The following MBD5 variants were observed in gnomAD, a reference collection of about 807,000 sequenced individuals.
The protein encoded by MBD5 is methyl-CpG-binding domain protein 5.
Under a neutral mutation model 117.3 loss-of-function variants are expected in MBD5, and 13 were observed. The observed-to-expected ratio is 0.11, with a 90% CI of 0.07 to 0.18. The LOEUF (loss-of-function observed/expected upper bound fraction) is 0.18, where lower values mean the gene tolerates loss of function less well. Ranked by LOEUF, MBD5 falls within the 10% of genes least tolerant of loss-of-function variation. MBD5 has a pLI of 1.00. For missense variants in MBD5, 1,879 were observed against 2,093.8 expected (o/e 0.90, Z 2.00); for synonymous variants, 727 against 766.4 (o/e 0.95, Z 0.85).
chr2:148,203,892 T>G (rs1245809327), intron 2 of MBD5, among the ~76,000 whole-genome samples: 2 of 152,178 alleles, frequency 1.3e-5, no homozygotes, highest in African/African-American at 4.8e-5. Flanking sequence ...GCAGAGCCCT[T>G]TACCATGGAT....
intron 2 of MBD5, among the ~76,000 whole-genome samples, chr2:148,224,169 G>A (rs987562269): frequency 1.3e-5 from 2 of 152,012 alleles, no homozygotes; most frequent in Non-Finnish European, 2.9e-5. Flanking sequence ...TCCATGTGCT[G>A]AGGAAAAAAA....
chr2:148,069,637 A>G (rs1695299388), intron 1 of MBD5, among the ~76,000 whole-genome samples: 2 of 152,038 alleles, frequency 1.3e-5, no homozygotes, highest in Admixed American at 1.3e-4. Context: ...CTGTTAAACC[A>G]CTTTTCCCTG....
chr2:148,066,640 G>A (rs1181541024), intron 1 of MBD5, among the ~76,000 whole-genome samples: 1 of 151,816 alleles, frequency 6.6e-6, no homozygotes, highest in Non-Finnish European at 1.5e-5. Context: ...ACCATGCCCG[G>A]CTAATTTTTT....
At chr2:148,216,839 AG>A (rs1296567670) in intron 2 of MBD5, among the ~76,000 whole-genome samples, 1 of 152,140 alleles carries the variant, frequency 6.6e-6, no homozygotes, top group Non-Finnish European at 1.5e-5. Context: ...AAGTACTTTT[AG>A]TTCTGGAAAA....
At chr2:148,392,259 T>C (rs1008953344) in intron 4 of MBD5, among the ~76,000 whole-genome samples, 2 of 152,236 alleles carry the variant, frequency 1.3e-5, no homozygotes, top group Admixed American at 6.5e-5. Context: ...ATCTTTGTTA[T>C]GGTTTTTGAT....
chr2:148,426,016 CAG>C (rs1705770180), intron 4 of MBD5, among the ~76,000 whole-genome samples: 1 of 152,138 alleles, frequency 6.6e-6, no homozygotes, highest in Non-Finnish European at 1.5e-5. Flanking sequence ...AACAGACAAA[CAG>C]AGAGCCAAAT....
chr2:148,224,094 AT>A, intron 2 of MBD5, among the ~76,000 whole-genome samples: 1 of 152,256 alleles, frequency 6.6e-6, no homozygotes, highest in African/African-American at 2.4e-5. Flanking sequence ...CATGCTTGAT[AT>A]TATTTCAGTT....
Position 148,100,405 on chromosome 2 carries a change from G to A in MBD5, c.-924-78295G>A, listed in dbSNP as rs79776334. ...CAAATAATAACTGAACCTTCTTTCA[G>A]TTATCTCCTGCTGCATAACAAATTA... On this transcript the variant is annotated intron_variant, in intron 1 of 13. Transcript: ENST00000642680. Among the ~76,000 whole-genome samples, 311 of 152,122 alleles carry A rather than the reference G, an allele frequency of 2.0e-3. 2 individuals carry two copies. The highest frequency in any genetic ancestry group is 0.011 in the South Asian group (52 of 4,820).
chr2:148,130,553 T>C (rs2105465223), intron 1 of MBD5, among the ~76,000 whole-genome samples: 1 of 60,652 alleles, frequency 1.6e-5, no homozygotes, highest in East Asian at 6.7e-4. Context: ...GGCTGTGTGA[T>C]ATTAAAAAAA....
At chr2:148,412,300 GTGT>G (rs1346551967) in intron 4 of MBD5, among the ~76,000 whole-genome samples, 6 of 150,250 alleles carry the variant, frequency 4.0e-5, no homozygotes, top group African/African-American at 5.0e-5. Context: ...GTGTGTGTGT[GTGT>G]AGAGAGAGAG....
intron 2 of MBD5, among the ~76,000 whole-genome samples, chr2:148,212,606 G>A (rs1254540393): frequency 1.3e-5 from 2 of 152,108 alleles, no homozygotes; most frequent in Non-Finnish European, 2.9e-5. Flanking sequence ...ATGTATATAT[G>A]TGTATGTTTT....
chr2:148,321,666 C>T (rs1018996839), intron 3 of MBD5, among the ~76,000 whole-genome samples: 15 of 152,114 alleles, frequency 9.9e-5, no homozygotes, highest in Admixed American at 9.2e-4. Flanking sequence ...TTTAAAGCAT[C>T]CCCAGTACTT....
chr2:148,045,974 C>CTTTTTT (rs59672002), intron 1 of MBD5, among the ~76,000 whole-genome samples: 3 of 77,482 alleles, frequency 3.9e-5, no homozygotes, highest in African/African-American at 5.3e-5. Context: ...AATGAAGTGC[C>CTTTTTT]TTTTTTTTTT....
intron 5 of MBD5, among the ~76,000 whole-genome samples, chr2:148,460,005 C>CGT (rs1210658472): frequency 4.6e-5 from 7 of 152,128 alleles, no homozygotes; most frequent in Non-Finnish European, 1.0e-4. Flanking sequence ...AACAAGCACA[C>CGT]ATGAGATAAC....
intron 1 of MBD5, among the ~76,000 whole-genome samples, chr2:148,083,756 T>C (rs1695708797): frequency 6.6e-6 from 1 of 152,072 alleles, no homozygotes; most frequent in Non-Finnish European, 1.5e-5. Context: ...GCCTCCTGAG[T>C]AGCTGGGACT....
intron 1 of MBD5, among the ~76,000 whole-genome samples, chr2:148,031,572 T>C (rs939702245): frequency 5.3e-5 from 8 of 152,132 alleles, no homozygotes; most frequent in Non-Finnish European, 1.0e-4. Flanking sequence ...TGATTTGAAA[T>C]AATATACCGT....
At chr2:148,322,802 A>T (rs1166953574) in intron 3 of MBD5, among the ~76,000 whole-genome samples, 1 of 152,238 alleles carries the variant, frequency 6.6e-6, no homozygotes, top group East Asian at 1.9e-4. Context: ...TATACATAAA[A>T]ACCTGATGAA....
chr2:148,431,007 A>G (rs1310241458), intron 4 of MBD5, among the ~76,000 whole-genome samples: 1 of 152,118 alleles, frequency 6.6e-6, no homozygotes, highest in African/African-American at 2.4e-5. Flanking sequence ...ATTGGAGTAC[A>G]GTCTGTCTTT....
Position 148,137,188 on chromosome 2 carries a change from C to T in MBD5, c.-924-41512C>T, listed in dbSNP as rs548626103. Among the ~76,000 whole-genome samples, 3 of 152,280 alleles carry T rather than the reference C, an allele frequency of 2.0e-5. No homozygotes were observed. In the East Asian group the frequency reaches 5.8e-4, roughly 29 times the overall value. On this transcript the variant is annotated intron_variant, in intron 1 of 13. Transcript: ENST00000642680. ...TTTGTAGCCAACAGGTCTGTTCCCC[C>T]TGATTTTCTCACTTAACACACAGTA...
Sources: gnomAD v4.1 joint callset for allele counts (sites outside exome capture counted in the v4.1 genomes callset) on GRCh38, gnomAD v4.1.1 for gene constraint, MANE v1.5 for transcripts, NCBI Gene and HGNC (gene_info 2026-07-23, HGNC 2026-07-21) for gene names.